CD69: variants seen among roughly 807,000 people sequenced by gnomAD.
The protein encoded by CD69 is early activation antigen CD69.
In CD69, 10 loss-of-function variants were observed where a neutral mutation model predicts 21.4. The ratio of observed to expected loss-of-function variants is 0.47; its 90% CI spans 0.29 to 0.79. CD69 has a LOEUF of 0.79. CD69 is among the 30% of genes least tolerant of loss of function. The pLI is 0.09. For synonymous variants in CD69, 63 were observed against 78.2 expected, an observed-to-expected ratio of 0.81 and a Z score of 1.03; for missense variants, 204 against 236.9, an observed-to-expected ratio of 0.86 and a Z score of 0.91.
At chr12:9,754,466 A>G (rs2121097599) in intron 4 of CD69, 121 bp downstream of exon 4, 1 of 680,736 alleles carries the variant, frequency 1.5e-6, no homozygotes, top group East Asian at 2.5e-5. Context: ...CATTCAGAAG[A>G]GATTGTTAGA....
intron 1 of CD69, among the ~76,000 whole-genome samples, 154 bp downstream of exon 1, chr12:9,760,603 C>T (rs1830390988): frequency 6.6e-6 from 1 of 152,200 alleles, no homozygotes; most frequent in African/African-American, 2.4e-5. Context: ...CCTTCCCTAA[C>T]AACCATTAGA....
At chr12:9,757,843 T>A (rs1266177318) in intron 1 of CD69, among the ~76,000 whole-genome samples, 5 of 152,348 alleles carry the variant, frequency 3.3e-5, no homozygotes, top group African/African-American at 4.8e-5. Context: ...CTTGTGGTTA[T>A]ACCACTGTCA....
At position 9,760,870 on chromosome 12, in the gene CD69, T is replaced by G. The variant is rs1866728472; in HGVS notation, c.-50A>C. The G allele has an allele frequency of 6.9e-7, 1 of 1,458,012 alleles. No homozygotes were observed. The highest frequency in any genetic ancestry group is 9.6e-7 in the Non-Finnish European group (1 of 1,045,152). 90.3% of individuals were successfully genotyped at this position (1,458,012 alleles called of 1,614,324 possible). On this transcript the variant is annotated 5_prime_UTR_variant, in exon 1 of 5. Transcript: ENST00000228434. ...AATCTCAGGTCAAGTCAAGCTACAG[T>G]GAAAGTCTTTGCTGGAGCTCTTGTT... is the stretch of plus-strand genomic sequence containing the variant.
At chr12:9,755,833 A>G (rs766502) in intron 2 of CD69, 28,033 of 153,744 alleles carry the variant, frequency 0.18, 2,719 homozygotes, top group African/African-American at 0.21. Flanking sequence ...CTCTCTGGGA[A>G]CTTTTAAATA....
chr12:9,755,761 T>C (rs1169556757), intron 2 of CD69, among the ~76,000 whole-genome samples: 1 of 152,164 alleles, frequency 6.6e-6, no homozygotes, highest in Non-Finnish European at 1.5e-5. Flanking sequence ...ACATTCCCAT[T>C]TGTAAAAGAT....
At chr12:9,759,719 C>A (rs996918091) in intron 1 of CD69, among the ~76,000 whole-genome samples, 4 of 152,132 alleles carry the variant, frequency 2.6e-5, no homozygotes. Context: ...TTTTAGTTCT[C>A]CTGTTTCTTA....
chr12:9,760,549 C>T (rs1421264875), intron 1 of CD69, among the ~76,000 whole-genome samples: 1 of 152,180 alleles, frequency 6.6e-6, no homozygotes, highest in Admixed American at 6.5e-5. Flanking sequence ...TTTACCTCTT[C>T]CCTGAAGAAG....
rs988213943 is a variant in CD69, at chr12:9,752,967, A to G, written c.*514T>C. 1.3e-5 allele frequency: 2 copies of G among 152,642 alleles called. No homozygotes were observed. The highest frequency in any genetic ancestry group is 6.5e-5 in the Admixed American group (1 of 15,286). 9.5% of individuals were successfully genotyped at this position (152,642 alleles called of 1,614,324 possible). On this transcript the variant is annotated 3_prime_UTR_variant, in exon 5 of 5. Coordinates refer to ENST00000228434, the MANE Select transcript of CD69 (RefSeq NM_001781.2). ...GAGAAATATTACAAATCTTAGTTTCATAAGCATTTGTCCATTTATAAATGC... is the reference window on the plus strand; with the variant it reads ...GAGAAATATTACAAATCTTAGTTTCGTAAGCATTTGTCCATTTATAAATGC...
rs1279700093 is a variant in CD69, at chr12:9,754,643, C to T, written c.435G>A (p.Leu145=). Residue 145 remains leucine (L), a synonymous_variant, in exon 4 of 5, where the codon CTG becomes CTA. Coordinates refer to ENST00000228434, the MANE Select transcript of CD69 (RefSeq NM_001781.2). ...YAGREEHWVG[L]KKEPGHPWKW... ...TCCATGGGTGACCAGGTTCCTTTTT[C>T]AGTCCAACCCAGTGTTCCTCTCTAC... is the stretch of plus-strand genomic sequence containing the variant. 6.2e-7 allele frequency: 1 copy of T among 1,612,894 alleles called. No homozygotes were observed. Among genetic ancestry groups the T allele is most frequent in the Non-Finnish European group, 8.5e-7 (1 of 1,178,918 alleles).
At chr12:9,754,331 A>T (rs575262144) in intron 4 of CD69, 2 of 253,862 alleles carry the variant, frequency 7.9e-6, no homozygotes, top group African/African-American at 4.5e-5. Flanking sequence ...AATTAACCAG[A>T]TCTACTACTC....
intron 1 of CD69, among the ~76,000 whole-genome samples, chr12:9,756,917 AAAAATAC>A: frequency 6.6e-6 from 1 of 152,186 alleles, no homozygotes; most frequent in South Asian, 2.1e-4. Context: ...TGTCTCCACC[AAAAATAC>A]AAAAAATTAG....
Position 9,760,827 on chromosome 12 carries a change from T to C in CD69, c.-7A>G, listed in dbSNP as rs746989062. On this transcript the variant is annotated 5_prime_UTR_variant, in exon 1 of 5. Coordinates refer to ENST00000228434, the MANE Select transcript of CD69 (RefSeq NM_001781.2). ...AACAATTTTCAGAGCTCATCTTTAT[T>C]CTCAAGATTCCCTAGTTAATCTCAG... 2 of 1,608,708 alleles carry C rather than the reference T, an allele frequency of 1.2e-6. No homozygotes were observed. The highest frequency in any genetic ancestry group is 8.5e-7 in the Non-Finnish European group (1 of 1,177,400).
chr12:9,760,340 C>T (rs1239687609), intron 1 of CD69, among the ~76,000 whole-genome samples: 1 of 152,106 alleles, frequency 6.6e-6, no homozygotes. Context: ...AGAGACAACA[C>T]TTCCTGGAGA....
intron 1 of CD69, 85 bp from the exon 2 acceptor site, chr12:9,756,504 C>T (rs1866680730): frequency 9.1e-7 from 1 of 1,096,852 alleles, no homozygotes; most frequent in African/African-American, 1.6e-5. Flanking sequence ...GGCATTTAAA[C>T]TTAATATTTC....
chr12:9,755,349 C>T, intron 2 of CD69, 88 bp from the exon 3 acceptor site: 1 of 1,060,114 alleles, frequency 9.4e-7, no homozygotes, highest in Non-Finnish European at 1.4e-6. Context: ...CTATGTTGTG[C>T]TAGGTGGTGA....
intron 1 of CD69, 56 bp downstream of exon 1, chr12:9,760,701 A>T (rs1003587219): frequency 8.1e-7 from 1 of 1,232,682 alleles, no homozygotes; most frequent in Non-Finnish European, 1.2e-6. Context: ...TATAACTACT[A>T]TTAATGTCAT....
At chr12:9,758,750 T>C (rs1014661227) in intron 1 of CD69, among the ~76,000 whole-genome samples, 7 of 152,174 alleles carry the variant, frequency 4.6e-5, no homozygotes, top group Admixed American at 2.6e-4. Context: ...CTTCACATTA[T>C]GTGAGTCAGT....
chr12:9,759,958 A>T (rs1213841375), intron 1 of CD69, among the ~76,000 whole-genome samples: 1 of 152,196 alleles, frequency 6.6e-6, no homozygotes, highest in African/African-American at 2.4e-5. Context: ...TTCTAAGATG[A>T]TTATATTTTG....
intron 1 of CD69, among the ~76,000 whole-genome samples, chr12:9,759,181 G>A (rs1008372315): frequency 6.6e-6 from 1 of 152,032 alleles, no homozygotes; most frequent in Non-Finnish European, 1.5e-5. Flanking sequence ...CGCCCACCTC[G>A]GCCTCCCAAA....
Sources: gnomAD v4.1 joint callset for allele counts (sites outside exome capture counted in the v4.1 genomes callset) on GRCh38, gnomAD v4.1.1 for gene constraint, MANE v1.5 for transcripts, NCBI Gene and HGNC (gene_info 2026-07-23, HGNC 2026-07-21) for gene names.